Variants in ARHGAP20 observed in about 807,000 individuals in gnomAD.
ARHGAP20 encodes rho GTPase-activating protein 20.
Under a neutral mutation model 73.7 loss-of-function variants are expected in ARHGAP20, and 34 were observed. That is an observed-to-expected ratio of 0.46 (90% CI 0.35 to 0.61). ARHGAP20 has a LOEUF of 0.61. Ranked by LOEUF, ARHGAP20 falls within the 20% of genes least tolerant of loss-of-function variation. The pLI is 0.00. For synonymous variants in ARHGAP20, 523 were observed against 518.2 expected (o/e 1.01, Z -0.13); for missense variants, 1,314 against 1,420.9 (o/e 0.92, Z 1.21).
chr11:110,586,771 C>T (rs750960815), intron 11 of ARHGAP20, among the ~76,000 whole-genome samples: 16 of 152,132 alleles, frequency 1.1e-4, no homozygotes, highest in South Asian at 2.1e-4. Context: ...GTGCCAAGCA[C>T]TATTTAAGTT....
intron 9 of ARHGAP20, 55 bp downstream of exon 9, chr11:110,606,506 G>C: frequency 6.5e-7 from 1 of 1,548,168 alleles, no homozygotes; most frequent in South Asian, 1.2e-5. Flanking sequence ...TTGAGTCTTT[G>C]CCTTTGTACT....
chr11:110,619,410 A>G (rs1464706777), intron 4 of ARHGAP20, among the ~76,000 whole-genome samples: 1 of 150,742 alleles, frequency 6.6e-6, no homozygotes. Flanking sequence ...GCAGTGATAG[A>G]GTATATGCAG....
chr11:110,697,643 G>T (rs1950362676), intron 1 of ARHGAP20, among the ~76,000 whole-genome samples: 1 of 151,478 alleles, frequency 6.6e-6, no homozygotes, highest in African/African-American at 2.4e-5. Context: ...TCTGCATGTG[G>T]CTAGCCAATT....
At position 110,620,242 on chromosome 11, in the gene ARHGAP20, A is replaced by G. The variant is rs1440206350; in HGVS notation, c.503+3920T>C. 2.0e-5 allele frequency among the ~76,000 whole-genome samples: 3 copies of G among 152,130 alleles called. No homozygotes were observed. The East Asian group carries it at 5.8e-4, about 29-fold the overall frequency. On this transcript the variant is annotated intron_variant, in intron 4 of 14. Transcript: ENST00000683387. ...GATGGGGTCTATGTTGCCCAGGTCT[A>G]TGGCCTCAAGCAATCCTCCACCTCA...
intron 7 of ARHGAP20, 44 bp from the exon 8 acceptor site, chr11:110,609,094 T>G (rs376399910): frequency 2.8e-4 from 434 of 1,576,932 alleles, no homozygotes; most frequent in Non-Finnish European, 2.8e-5. Flanking sequence ...TCTTTCACAT[T>G]TGATACTTGA....
intron 1 of ARHGAP20, among the ~76,000 whole-genome samples, chr11:110,707,744 A>T (rs901827954): frequency 2.6e-5 from 4 of 152,142 alleles, no homozygotes; most frequent in Admixed American, 6.5e-5. Flanking sequence ...AGGGACACTT[A>T]AAAAAGGCCT....
intron 1 of ARHGAP20, among the ~76,000 whole-genome samples, chr11:110,691,975 AT>A (rs1177430074): frequency 2.6e-5 from 4 of 152,134 alleles, no homozygotes; most frequent in African/African-American, 7.2e-5. Flanking sequence ...TTATATAAAA[AT>A]TTTTTGCATG....
At chr11:110,624,686 A>G (rs1217361679) in intron 3 of ARHGAP20, among the ~76,000 whole-genome samples, 1 of 152,038 alleles carries the variant, frequency 6.6e-6, no homozygotes, top group East Asian at 1.9e-4. Context: ...TAAAAGGACC[A>G]TTTTCACTAA....
intron 14 of ARHGAP20, among the ~76,000 whole-genome samples, chr11:110,581,930 CAA>C (rs35432649): frequency 0.01 from 901 of 89,224 alleles, 8 homozygotes; most frequent in African/African-American, 0.032. Context: ...AAGGAGAGGA[CAA>C]AAAAAAAAAA....
Position 110,582,354 on chromosome 11 carries a change from A to C in ARHGAP20, c.1687T>G (p.Ser563Ala). 1 of 1,613,552 alleles carries C rather than the reference A, an allele frequency of 6.2e-7. No individual in the cohort carries two copies. The highest frequency in any genetic ancestry group is 8.5e-7 in the Non-Finnish European group (1 of 1,179,454). ...TTCTCTCTAGTGTCACATCTCACTG[A>C]AACCTCTCTGAAGAGGGAAGTGATT... ...EEITSLFREV[S>A]VRCDTRENAS... The change falls in exon 14 of 15, where the codon TCA (serine) becomes GCA (alanine). Residue 563 changes from serine to alanine, a missense_variant. By Grantham distance (99) the Ser-to-Ala change is moderately conservative. Coordinates refer to ENST00000683387, the MANE Select transcript of ARHGAP20 (RefSeq NM_001384657.1).
chr11:110,655,449 T>C (rs17408696), intron 2 of ARHGAP20, among the ~76,000 whole-genome samples: 8,202 of 152,294 alleles, frequency 0.054, 269 homozygotes, highest in Middle Eastern at 0.095. Context: ...TTAATGTGTT[T>C]TGCGTTGGAA....
In ARHGAP20 at chr11:110,611,296, C is replaced by G. The variant is rs918888877; in HGVS notation, c.708+13G>C. The G allele has an allele frequency of 8.8e-6, 13 of 1,475,386 alleles. No individual in the cohort carries two copies. Among genetic ancestry groups the G allele is most frequent in the Non-Finnish European group, 1.2e-5 (13 of 1,086,470 alleles). 91.4% of individuals were successfully genotyped at this position (1,475,386 alleles called of 1,614,324 possible). Reference sequence around the variant, plus strand: ...TTTATTTTTAATTAAGAATGTCTAGCAGAATAACTTACAGTTATCCCTAGC... The same window carrying G: ...TTTATTTTTAATTAAGAATGTCTAGGAGAATAACTTACAGTTATCCCTAGC... On this transcript the variant is annotated intron_variant, in intron 7 of 14. Coordinates refer to ENST00000683387, the MANE Select transcript of ARHGAP20 (RefSeq NM_001384657.1).
At chr11:110,702,667 T>TG (rs1451887022) in intron 1 of ARHGAP20, among the ~76,000 whole-genome samples, 5 of 152,182 alleles carry the variant, frequency 3.3e-5, no homozygotes, top group Admixed American at 2.6e-4. Context: ...CTCCTTAAGC[T>TG]GATAAGCAAC....
At chr11:110,671,793 T>C (rs891005519) in intron 2 of ARHGAP20, among the ~76,000 whole-genome samples, 1 of 152,088 alleles carries the variant, frequency 6.6e-6, no homozygotes, top group East Asian at 1.9e-4. Flanking sequence ...AGGAGAGACA[T>C]GTAGACTGAT....
chr11:110,600,437 C>T (rs1483790429), intron 9 of ARHGAP20, among the ~76,000 whole-genome samples: 2 of 152,234 alleles, frequency 1.3e-5, no homozygotes, highest in Non-Finnish European at 2.9e-5. Flanking sequence ...GTGCAGCTGT[C>T]CGCTACGCTG....
chr11:110,586,519 A>T (rs1947670935), intron 11 of ARHGAP20, among the ~76,000 whole-genome samples, 194 bp from the exon 12 acceptor site: 2 of 152,210 alleles, frequency 1.3e-5, no homozygotes, highest in Admixed American at 1.3e-4. Flanking sequence ...AGCAAAGATC[A>T]TTGGGATAAC....
chr11:110,668,433 G>A (rs930522758), intron 2 of ARHGAP20, among the ~76,000 whole-genome samples: 2 of 152,122 alleles, frequency 1.3e-5, no homozygotes, highest in Non-Finnish European at 2.9e-5. Context: ...CAGGTTCCTT[G>A]AGCCAAGGAG....
chr11:110,655,589 C>A (rs1007439559), intron 2 of ARHGAP20, among the ~76,000 whole-genome samples: 3 of 152,056 alleles, frequency 2.0e-5, no homozygotes, highest in African/African-American at 7.2e-5. Context: ...GAATATCTAT[C>A]TTGTTATGGT....
intron 1 of ARHGAP20, chr11:110,691,055 A>T: frequency 7.1e-7 from 1 of 1,418,438 alleles, no homozygotes; most frequent in Non-Finnish European, 9.4e-7. Context: ...AGAAAAGACA[A>T]GTAAAGGAGA....
Sources: allele counts gnomAD v4.1 joint callset (sites outside exome capture counted in the v4.1 genomes callset), GRCh38; gene constraint gnomAD v4.1.1; transcripts MANE v1.5; gene names NCBI Gene and HGNC (gene_info 2026-07-23, HGNC 2026-07-21).